CERCAM: variants seen among roughly 807,000 people sequenced by gnomAD.
CERCAM encodes the protein inactive glycosyltransferase 25 family member 3.
CERCAM carries 59 observed loss-of-function variants against 66.0 expected under a neutral mutation model. That is an observed-to-expected ratio of 0.89 (90% CI 0.73 to 1.11). The LOEUF is 1.11. Among genes scored for constraint, CERCAM ranks in the 50% most tolerant of loss-of-function variants. CERCAM has a pLI of 0.00. For synonymous variants in CERCAM, 318 were observed against 343.6 expected (o/e 0.93, Z 0.83); for missense variants, 840 against 828.3 (o/e 1.01, Z -0.17).
Position 128,423,245 on chromosome 9 carries a change from G to C in CERCAM, c.408G>C (p.Trp136Cys). 1.2e-6 allele frequency: 2 copies of C among 1,613,920 alleles called. No homozygotes were observed. Among genetic ancestry groups the C allele is most frequent in the East Asian group, 2.2e-5 (1 of 44,882 alleles). The change falls in exon 3 of 13, where the codon TGG becomes TGC. Residue 136 changes from tryptophan (W) to cysteine (C), a missense_variant. Trp to Cys is a radical substitution (Grantham distance 215). Coordinates refer to ENST00000372838, the MANE Select transcript of CERCAM (RefSeq NM_016174.5). The stretch of plus-strand genomic sequence containing the variant: ...AAGCCCTCACCTTTGCCAGGAACTG[G>C]GGGGCCGACTATATCCTGGTGAGGA... ...KQEALTFARN[W>C]GADYILFADT... is the part of the protein sequence containing the mutation.
At chr9:128,425,376 A>T (rs896654925) in intron 5 of CERCAM, among the ~76,000 whole-genome samples, 1 of 151,526 alleles carries the variant, frequency 6.6e-6, no homozygotes, top group Non-Finnish European at 1.5e-5. Flanking sequence ...TACTAGAAAG[A>T]GTTTGGGTAT....
rs1204795227 is a variant in CERCAM at position 128,428,948 on chromosome 9, G to A, written c.982G>A (p.Ala328Thr). The A allele has an allele frequency of 1.2e-6, 2 of 1,609,602 alleles. No individual in the cohort carries two copies. The highest frequency in any genetic ancestry group is 2.2e-5 in the East Asian group (1 of 44,786). ...CCTCCAGGTCTTTGTCATCAGCCTG[G>A]CTCGCAGGCCTGACCGTCGGGAACG... ...GFDEVFVISL[A>T]RRPDRRERML... Residue 328 changes from alanine (A) to threonine (T), a missense_variant, in exon 8 of 13, where the codon GCT becomes ACT. Coordinates refer to ENST00000372838, the MANE Select transcript of CERCAM (RefSeq NM_016174.5).
chr9:128,423,190 GGC>G lies in CERCAM; in HGVS notation c.354_355del (p.His119ProfsTer105), dbSNP rs1833751950. 6.2e-7 allele frequency: 1 copy of G among 1,614,022 alleles called. No homozygotes were observed. Among genetic ancestry groups the G allele is most frequent in the Non-Finnish European group, 8.5e-7 (1 of 1,180,042 alleles). The stretch of plus-strand genomic sequence containing the variant: ...GGTCCCAAGCACTGGACCAAAGAAA[GGC>G]ACCAGTTTCTGATGGAGCTGAAGCA... On this transcript the variant is annotated frameshift_variant, in exon 3 of 13. Coordinates refer to ENST00000372838, the MANE Select transcript of CERCAM (RefSeq NM_016174.5). LOFTEE classifies it high-confidence loss of function.
chr9:128,428,683 G>A, intron 6 of CERCAM, 74 bp from the exon 7 acceptor site: 1 of 1,521,218 alleles, frequency 6.6e-7, no homozygotes, highest in Non-Finnish European at 9.1e-7. Context: ...AATGAGGCTG[G>A]GGGCTAGGAC....
At chr9:128,419,542 A>G (rs1339175057), upstream of CERCAM, 1 of 152,250 alleles carries the variant, frequency 6.6e-6, no homozygotes, top group Non-Finnish European at 1.5e-5. Context: ...TCTCTCGAGG[A>G]ATCCCTGCAA....
rs1564425771 is a variant in CERCAM, at chr9:128,424,399, C to T, written c.562-11C>T. 1 of 1,613,972 alleles carries T rather than the reference C, an allele frequency of 6.2e-7. No individual in the cohort carries two copies. Among genetic ancestry groups the T allele is most frequent in the Non-Finnish European group, 8.5e-7 (1 of 1,180,014 alleles). On this transcript the variant is annotated splice_polypyrimidine_tract_variant and intron_variant, in intron 4 of 12. Transcript: ENST00000372838. ...AGCCCTCTCACAGCCCAAAGCATCC[C>T]TTTTCCCCAGGGCTACTACCGCCGC...
At position 128,434,320 on chromosome 9, in the gene CERCAM, T is replaced by G. The variant is rs1342198912; in HGVS notation, c.1332-90T>G. On this transcript the variant is annotated intron_variant, in intron 10 of 12. Coordinates refer to ENST00000372838, the MANE Select transcript of CERCAM (RefSeq NM_016174.5). The surrounding 1 kb of genome is among the most constrained non-coding windows in gnomAD (Gnocchi z 4.5). Reference sequence around the variant, plus strand: ...TTGGGACCCTGGCCGGCCCATCCCCTGAGAGCCTGGCCCTGTAGGAGCGGG... The same window carrying G: ...TTGGGACCCTGGCCGGCCCATCCCCGGAGAGCCTGGCCCTGTAGGAGCGGG... 6.2e-6 allele frequency: 10 copies of G among 1,602,250 alleles called. No homozygotes were observed. The highest frequency in any genetic ancestry group is 8.5e-6 in the Non-Finnish European group (10 of 1,172,402).
intron 5 of CERCAM, 122 bp downstream of exon 5, chr9:128,424,736 C>A: frequency 9.5e-6 from 8 of 837,826 alleles, no homozygotes; most frequent in Non-Finnish European, 1.5e-5. Context: ...TGAGTTACAA[C>A]TTTGGGTCAT....
At position 128,424,123 on chromosome 9, in the gene CERCAM, G is replaced by GT. The variant is rs1564425511; in HGVS notation, c.427-14dup. ...CCCAGGCAGGGCTGGAGCCTGTGACGTCCCCTCCTCAAAGTTTGCAGACAC... is the reference window on the plus strand; with the variant it reads ...CCCAGGCAGGGCTGGAGCCTGTGACGTTCCCCTCCTCAAAGTTTGCAGACAC... On this transcript the variant is annotated splice_polypyrimidine_tract_variant and intron_variant, in intron 3 of 12. Transcript: ENST00000372838. 4 of 1,612,208 alleles carry GT rather than the reference G, an allele frequency of 2.5e-6. No individual in the cohort carries two copies. In the South Asian group the frequency reaches 4.4e-5, roughly 18 times the overall value.
chr9:128,422,145 G>A (rs1833723795), intron 1 of CERCAM: 1 of 152,320 alleles, frequency 6.6e-6, no homozygotes, highest in African/African-American at 2.4e-5. Context: ...CCCATTCAGA[G>A]AGGGACAGGG....
intron 11 of CERCAM, among the ~76,000 whole-genome samples, chr9:128,435,181 A>G (rs1834078634): frequency 6.6e-6 from 1 of 152,054 alleles, no homozygotes. Context: ...TTTTTAGTAG[A>G]GACAGGGTTT....
chr9:128,428,915 C>T lies in CERCAM; in HGVS notation c.964-15C>T, dbSNP rs759879239. 7.5e-6 allele frequency: 12 copies of T among 1,607,370 alleles called. No individual in the cohort carries two copies. The highest frequency in any genetic ancestry group is 9.3e-6 in the Non-Finnish European group (11 of 1,176,554). Reference sequence around the variant, plus strand: ...GCTCCCTTGCACTTACCGCCCACCCCCCTGCCTCCTCCAGGTCTTTGTCAT... The same window carrying T: ...GCTCCCTTGCACTTACCGCCCACCCTCCTGCCTCCTCCAGGTCTTTGTCAT... On this transcript the variant is annotated splice_polypyrimidine_tract_variant and intron_variant, in intron 7 of 12. Coordinates refer to ENST00000372838, the MANE Select transcript of CERCAM (RefSeq NM_016174.5).
At chr9:128,429,632 G>T (rs1029609731) in intron 8 of CERCAM, among the ~76,000 whole-genome samples, 2 of 151,436 alleles carry the variant, frequency 1.3e-5, no homozygotes, top group Admixed American at 1.3e-4. Flanking sequence ...CAGCGTCTCC[G>T]TCTGTTGCCC....
Position 128,425,710 on chromosome 9 carries a change from C to T in CERCAM, c.766+1096C>T, listed in dbSNP as rs186526875. 3.4e-3 allele frequency among the ~76,000 whole-genome samples: 522 copies of T among 151,522 alleles called. 3 individuals are homozygous for T. Among genetic ancestry groups the T allele is most frequent in the South Asian group, 0.021 (99 of 4,786 alleles). On this transcript the variant is annotated intron_variant, in intron 5 of 12. Transcript: ENST00000372838. Reference sequence around the variant, plus strand: ...GTTTTTAGTAGAGACGGGGTTTCTCCGTGTTGGTCAGCCTCGTCTCGAACT... The same window carrying T: ...GTTTTTAGTAGAGACGGGGTTTCTCTGTGTTGGTCAGCCTCGTCTCGAACT...
At chr9:128,427,314 T>C (rs909146812) in intron 5 of CERCAM, among the ~76,000 whole-genome samples, 1 of 152,066 alleles carries the variant, frequency 6.6e-6, no homozygotes, top group Non-Finnish European at 1.5e-5. Context: ...GGTTTCACCA[T>C]GTTGGCCAGG....
chr9:128,428,566 G>A, intron 6 of CERCAM, 145 bp downstream of exon 6: 6 of 1,204,476 alleles, frequency 5.0e-6, no homozygotes, highest in Non-Finnish European at 7.0e-6. Context: ...CTCTGAGAAA[G>A]TCCCTTTCCC....
At position 128,428,385 on chromosome 9, in the gene CERCAM, A is replaced by C. The variant is rs201052338; in HGVS notation, c.850A>C (p.Arg284=). 6.8e-6 allele frequency: 11 copies of C among 1,614,122 alleles called. No homozygotes were observed. In the East Asian group the frequency reaches 2.0e-4, roughly 29 times the overall value. ...ATCCCACCAGGGGCTGGAAGACGAG[A>C]GGGTCAACTTCATCCACCTGATCTT... ...VKSHQGLEDE[R]VNFIHLILEA... Residue 284 remains arginine (R), a synonymous_variant, in exon 6 of 13, where the codon AGG becomes CGG. Transcript: ENST00000372838.
At position 128,424,260 on chromosome 9, in the gene CERCAM, G is replaced by A; in HGVS notation, c.549G>A (p.Gly183=). ...SQTYYSNFWC[G]ITPQGYYRRT... ...CCTACTACTCCAACTTCTGGTGTGG[G>A]ATCACCCCCCAGGTGAGGCCGGGAT... Residue 183 remains glycine, a synonymous_variant, in exon 4 of 13, where the codon GGG becomes GGA. Coordinates refer to ENST00000372838, the MANE Select transcript of CERCAM (RefSeq NM_016174.5). The A allele has an allele frequency of 6.2e-7, 1 of 1,614,122 alleles. No homozygotes were observed. The highest frequency in any genetic ancestry group is 8.5e-7 in the Non-Finnish European group (1 of 1,180,002).
In CERCAM at chr9:128,425,725, C is replaced by G. The variant is rs373509681; in HGVS notation, c.766+1111C>G. Among the ~76,000 whole-genome samples the G allele has an allele frequency of 5.3e-5, 8 of 149,718 alleles. No homozygotes were observed. The East Asian group carries it at 1.6e-3, about 30-fold the overall frequency. ...GGGGTTTCTCCGTGTTGGTCAGCCT[C>G]GTCTCGAACTCCTGACCTCAGGTGA... On this transcript the variant is annotated intron_variant, in intron 5 of 12. Transcript: ENST00000372838.
Sources: gnomAD v4.1 joint callset for allele counts (sites outside exome capture counted in the v4.1 genomes callset) on GRCh38, gnomAD v4.1.1 for gene constraint, Gnocchi (gnomAD v3.1) non-coding constraint, MANE v1.5 for transcripts, NCBI Gene and HGNC (gene_info 2026-07-23, HGNC 2026-07-21) for gene names.